TG: variants seen among roughly 807,000 people sequenced by gnomAD.
The protein encoded by TG is thyroglobulin.
Under a neutral mutation model 324.7 loss-of-function variants are expected in TG, and 270 were observed. That is an observed-to-expected ratio of 0.83 (90% CI 0.75 to 0.92). The LOEUF (loss-of-function observed/expected upper bound fraction) is 0.92, where lower values mean the gene tolerates loss of function less well. Among genes scored for constraint, TG ranks in the 40% least tolerant of loss-of-function variants. The probability of loss-of-function intolerance (pLI) is 0.00; values close to 1 mark genes in which losing one functional copy is unlikely to be tolerated. For synonymous variants in TG, 1,401 were observed against 1,327.0 expected, an observed-to-expected ratio of 1.06 and a Z score of -1.21; for missense variants, 3,591 against 3,456.4, an observed-to-expected ratio of 1.04 and a Z score of -0.98.
At position 132,871,406 on chromosome 8, in the gene TG, C is replaced by A; in HGVS notation, c.333C>A (p.Ser111Arg). The stretch of plus-strand genomic sequence containing the variant: ...TCTTACTGAGTGGCTACATTAACAG[C>A]ACAGACACCTCCTACCTCCCTCAGT... The part of the protein sequence containing the change: ...QQILLSGYIN[S>R]TDTSYLPQCQ... Residue 111 changes from serine (S) to arginine (R), a missense_variant, in exon 4 of 48, where the codon AGC (serine) becomes AGA (arginine). By Grantham distance (110) the Ser-to-Arg change is moderately radical (BLOSUM62 -1). Coordinates refer to ENST00000220616, the MANE Select transcript of TG (RefSeq NM_003235.5). 1.9e-6 allele frequency: 3 copies of A among 1,614,224 alleles called. No individual in the cohort carries two copies. Among genetic ancestry groups the A allele is most frequent in the Non-Finnish European group, 2.5e-6 (3 of 1,180,040 alleles).
At chr8:132,962,672 G>A (rs1827926646) in intron 28 of TG, among the ~76,000 whole-genome samples, 1 of 152,164 alleles carries the variant, frequency 6.6e-6, no homozygotes, top group Non-Finnish European at 1.5e-5. Flanking sequence ...GTTTTCTCAA[G>A]AGTAAAATGG....
rs191248881 is a variant in TG at position 133,055,876 on chromosome 8, G to A, written c.7239+25853G>A. ...GCAGCAGCAGCAGCAGCAGCAGGGC[G>A]CACAGCTCTGGGGGGAATCAGGCAC... On this transcript the variant is annotated intron_variant, in intron 41 of 47. Coordinates refer to ENST00000220616, the MANE Select transcript of TG (RefSeq NM_003235.5). 2.0e-3 allele frequency among the ~76,000 whole-genome samples: 306 copies of A among 151,156 alleles called. 1 individual carries two copies. The highest frequency in any genetic ancestry group is 7.2e-3 in the African/African-American group (294 of 41,102).
At position 133,090,406 on chromosome 8, in the gene TG, G is replaced by C. The variant is rs1847305585; in HGVS notation, c.7240-4638G>C. The stretch of plus-strand genomic sequence containing the variant: ...CCTGATTTAACTTCATAGTGCTGTG[G>C]CAGGACATAAATCAAGAGAGTGAGC... On this transcript the variant is annotated intron_variant, in intron 41 of 47. Coordinates refer to ENST00000220616, the MANE Select transcript of TG (RefSeq NM_003235.5). 3.3e-5 allele frequency among the ~76,000 whole-genome samples: 5 copies of C among 152,302 alleles called. 1 individual carries two copies. The South Asian group carries it at 1.0e-3, about 32-fold the overall frequency.
intron 41 of TG, among the ~76,000 whole-genome samples, chr8:133,092,953 A>G (rs1334434991): frequency 6.6e-6 from 1 of 152,148 alleles, no homozygotes; most frequent in East Asian, 1.9e-4. Flanking sequence ...CTTCCTCACC[A>G]TATCAGGATC....
chr8:132,963,506 A>G (rs1828062377), intron 29 of TG, among the ~76,000 whole-genome samples: 1 of 152,178 alleles, frequency 6.6e-6, no homozygotes, highest in South Asian at 2.1e-4. Context: ...TGTGATTCCA[A>G]ACATGAATAG....
At position 133,013,667 on chromosome 8, in the gene TG, G is replaced by A. The variant is rs143469458; in HGVS notation, c.6465G>A (p.Met2155Ile). 18 of 1,614,230 alleles carry A rather than the reference G, an allele frequency of 1.1e-5. No homozygotes were observed. The highest frequency in any genetic ancestry group is 1.7e-5 in the Admixed American group (1 of 60,034). ...CCCAACCTGGGGCTGTGAGATGTAT[G>A]TTCTATGCTGATACTCAAAGCTGCA... ...LQTQPGAVRC[M>I]FYADTQSCTH... The change falls in exon 37 of 48, where the codon ATG becomes ATA. Residue 2155 changes from methionine (M) to isoleucine (I), a missense_variant. Physicochemically the swap from Met to Ile is conservative, Grantham distance 10. Coordinates refer to ENST00000220616, the MANE Select transcript of TG (RefSeq NM_003235.5).
intron 41 of TG, among the ~76,000 whole-genome samples, chr8:133,079,894 A>G (rs745545539): frequency 1.3e-5 from 2 of 151,930 alleles, no homozygotes; most frequent in Non-Finnish European, 2.9e-5. Context: ...GACCTTCAAG[A>G]TCGCATACAA....
Position 133,095,090 on chromosome 8 carries a change from C to T in TG, c.7286C>T (p.Ala2429Val). Residue 2429 changes from alanine to valine, a missense_variant, in exon 42 of 48, where the codon GCT becomes GTT. By Grantham distance (64) the Ala-to-Val change is moderately conservative. Coordinates refer to ENST00000220616, the MANE Select transcript of TG (RefSeq NM_003235.5). ...SPAAVISHER[A>V]QQQAIALAKE... ...GCCGCCGTCATCAGCCATGAGAGGG[C>T]TCAGCAGCAGGCAATTGCTTTGGCA... 1 of 1,614,178 alleles carries T rather than the reference C, an allele frequency of 6.2e-7. No individual in the cohort carries two copies. Among genetic ancestry groups the T allele is most frequent in the Non-Finnish European group, 8.5e-7 (1 of 1,180,038 alleles).
chr8:133,009,679 A>T lies in TG; in HGVS notation c.6263-2222A>T, dbSNP rs139872328. ...ACTGATCAGGGTGCAGAGCCTCATG[A>T]TGGGGTCGGTGCCCTTCTAAAAGAG... On this transcript the variant is annotated intron_variant, in intron 35 of 47. Transcript: ENST00000220616. Among the ~76,000 whole-genome samples, 50 of 151,894 alleles carry T rather than the reference A, an allele frequency of 3.3e-4. 1 individual carries two copies. Among genetic ancestry groups the T allele is most frequent in the African/African-American group, 1.2e-3 (48 of 41,422 alleles).
chr8:132,987,404 G>C (rs542760382), intron 35 of TG, among the ~76,000 whole-genome samples: 14 of 149,878 alleles, frequency 9.3e-5, no homozygotes, highest in African/African-American at 3.0e-4. Context: ...TATGCACTGT[G>C]TATATGTAAA....
At chr8:133,130,181 G>A (rs1851834693) in intron 45 of TG, among the ~76,000 whole-genome samples, 1 of 152,224 alleles carries the variant, frequency 6.6e-6, no homozygotes, top group African/African-American at 2.4e-5. Context: ...GTCAGTGACT[G>A]AGCTGGGGTT....
chr8:133,056,309 A>G (rs1156317369), intron 41 of TG, among the ~76,000 whole-genome samples: 1 of 152,168 alleles, frequency 6.6e-6, no homozygotes, highest in Non-Finnish European at 1.5e-5. Flanking sequence ...AGACCATCTC[A>G]TGTACCAGCA....
intron 42 of TG, 32 bp from the exon 43 acceptor site, chr8:133,096,174 A>G: frequency 6.2e-7 from 1 of 1,613,576 alleles, no homozygotes; most frequent in Non-Finnish European, 8.5e-7. Flanking sequence ...TGATTATTCC[A>G]GGACAACTGA....
intron 43 of TG, among the ~76,000 whole-genome samples, chr8:133,108,915 C>G (rs1486393743): frequency 1.3e-5 from 2 of 152,248 alleles, no homozygotes; most frequent in East Asian, 3.8e-4. Context: ...AATCATCACT[C>G]AAGGTTGTTG....
chr8:133,076,482 A>G (rs916246854), intron 41 of TG, among the ~76,000 whole-genome samples: 1 of 152,242 alleles, frequency 6.6e-6, no homozygotes, highest in African/African-American at 2.4e-5. Context: ...CTGGGAAGGT[A>G]CAAAGGAACT....
intron 5 of TG, among the ~76,000 whole-genome samples, chr8:132,876,648 T>A (rs1261536185): frequency 6.6e-6 from 1 of 152,190 alleles, no homozygotes; most frequent in African/African-American, 2.4e-5. Flanking sequence ...CAATATCTGT[T>A]TGGCTGGAAA....
At chr8:133,090,792 C>T (rs1434803789) in intron 41 of TG, among the ~76,000 whole-genome samples, 1 of 152,146 alleles carries the variant, frequency 6.6e-6, no homozygotes, top group Admixed American at 6.5e-5. Flanking sequence ...GCAAAATGGC[C>T]ATGGGCAGAG....
intron 41 of TG, among the ~76,000 whole-genome samples, chr8:133,069,848 A>G (rs1439048035): frequency 6.6e-6 from 1 of 151,852 alleles, no homozygotes; most frequent in African/African-American, 2.4e-5. Flanking sequence ...CTAAAAATAC[A>G]AAAATCAGCT....
intron 42 of TG, among the ~76,000 whole-genome samples, chr8:133,095,411 G>A (rs1159074548): frequency 6.6e-6 from 1 of 152,208 alleles, no homozygotes; most frequent in Non-Finnish European, 1.5e-5. Flanking sequence ...GGCACTGAGG[G>A]TAGACAGATG....
Sources: allele counts gnomAD v4.1 joint callset (sites outside exome capture counted in the v4.1 genomes callset), GRCh38; gene constraint gnomAD v4.1.1; transcripts MANE v1.5; gene names NCBI Gene and HGNC (gene_info 2026-07-23, HGNC 2026-07-21).